The following NRXN3 variants were observed in gnomAD, a reference collection of about 807,000 sequenced individuals.
The protein encoded by NRXN3 is neurexin III.
In NRXN3, 32 loss-of-function variants were observed where a neutral mutation model predicts 137.6. The ratio of observed to expected loss-of-function variants is 0.23; its 90% CI spans 0.18 to 0.31. The LOEUF (loss-of-function observed/expected upper bound fraction) is 0.31. NRXN3 is among the 10% of genes least tolerant of loss of function. NRXN3 has a pLI of 1.00. For missense variants in NRXN3, 1,574 were observed against 2,062.5 expected, an observed-to-expected ratio of 0.76 and a Z score of 4.59; for synonymous variants, 798 against 784.5, an observed-to-expected ratio of 1.02 and a Z score of -0.29.
chr14:79,007,452 A>G (rs1433040765), intron 15 of NRXN3, among the ~76,000 whole-genome samples: 4 of 132,804 alleles, frequency 3.0e-5, no homozygotes, highest in African/African-American at 8.8e-5. Context: ...AAAAAAAGTC[A>G]TGAACTTTTT....
intron 15 of NRXN3, among the ~76,000 whole-genome samples, chr14:79,118,704 G>A (rs2054894338): frequency 6.6e-6 from 1 of 152,208 alleles, no homozygotes; most frequent in African/African-American, 2.4e-5. Flanking sequence ...AGATACAAGT[G>A]TAAGAAGTTT....
chr14:78,543,985 A>G (rs2096615621), intron 4 of NRXN3, among the ~76,000 whole-genome samples: 1 of 152,212 alleles, frequency 6.6e-6, no homozygotes, highest in African/African-American at 2.4e-5. Context: ...TCTGCCTGAA[A>G]GATGGAATAA....
intron 8 of NRXN3, among the ~76,000 whole-genome samples, chr14:78,799,573 G>A (rs911824756): frequency 6.6e-6 from 1 of 152,030 alleles, no homozygotes; most frequent in Non-Finnish European, 1.5e-5. Context: ...ACATTTTCAG[G>A]TATCTTTACA....
At chr14:78,332,244 C>A (rs2080905798) in intron 4 of NRXN3, among the ~76,000 whole-genome samples, 1 of 152,002 alleles carries the variant, frequency 6.6e-6, no homozygotes, top group Admixed American at 6.6e-5. Context: ...CCCTTCAATT[C>A]TTTTCTTCCT....
At chr14:78,250,629 C>A (rs1393218075) in intron 2 of NRXN3, among the ~76,000 whole-genome samples, 1 of 152,166 alleles carries the variant, frequency 6.6e-6, no homozygotes, top group Non-Finnish European at 1.5e-5. Context: ...AGCAGCCACC[C>A]AGTGAGGCAG....
intron 4 of NRXN3, among the ~76,000 whole-genome samples, chr14:78,320,485 G>T (rs74888861): frequency 0.064 from 9,683 of 152,126 alleles, 813 homozygotes; most frequent in East Asian, 0.32. Context: ...TCGGCTTTGA[G>T]GAAATTGACT....
At chr14:79,157,055 G>T (rs962383832) in intron 15 of NRXN3, among the ~76,000 whole-genome samples, 1 of 151,694 alleles carries the variant, frequency 6.6e-6, no homozygotes, top group Non-Finnish European at 1.5e-5. Flanking sequence ...ATACTTTTCT[G>T]CTTATTTTGG....
chr14:79,083,963 G>A (rs1321173580), intron 15 of NRXN3, among the ~76,000 whole-genome samples: 2 of 152,140 alleles, frequency 1.3e-5, no homozygotes, highest in African/African-American at 4.8e-5. Context: ...GGAGTGCAGT[G>A]GCAGGATCAC....
intron 4 of NRXN3, among the ~76,000 whole-genome samples, chr14:78,412,690 G>A (rs974039462): frequency 2.6e-5 from 4 of 152,190 alleles, no homozygotes; most frequent in South Asian, 2.1e-4. Flanking sequence ...CAGAGCTTGA[G>A]CTCTTAACCG....
At chr14:79,050,025 T>C (rs1297851758) in intron 15 of NRXN3, among the ~76,000 whole-genome samples, 1 of 152,196 alleles carries the variant, frequency 6.6e-6, no homozygotes, top group African/African-American at 2.4e-5. Flanking sequence ...AGGAATATCA[T>C]AACAGTAAAC....
At chr14:79,315,101 C>T (rs1185659247) in intron 15 of NRXN3, among the ~76,000 whole-genome samples, 1 of 152,164 alleles carries the variant, frequency 6.6e-6, no homozygotes, top group Non-Finnish European at 1.5e-5. Flanking sequence ...TATCTAATTT[C>T]CCTCATTGTA....
chr14:78,492,430 G>A (rs2095686476), intron 4 of NRXN3, among the ~76,000 whole-genome samples: 1 of 152,156 alleles, frequency 6.6e-6, no homozygotes. Flanking sequence ...ATAAGATCGT[G>A]CATATAAAGT....
chr14:78,600,898 C>G (rs2097196568), intron 4 of NRXN3, among the ~76,000 whole-genome samples: 1 of 152,140 alleles, frequency 6.6e-6, no homozygotes, highest in South Asian at 2.1e-4. Flanking sequence ...TGGTATTAAC[C>G]TAGACCTTTT....
At chr14:78,499,716 C>T (rs1317448534) in intron 4 of NRXN3, among the ~76,000 whole-genome samples, 1 of 152,122 alleles carries the variant, frequency 6.6e-6, no homozygotes, top group African/African-American at 2.4e-5. Context: ...AACCTGCCTC[C>T]AAGTTCACCT....
chr14:78,971,439 T>TAC (rs1233967449), intron 14 of NRXN3, among the ~76,000 whole-genome samples: 1 of 144,950 alleles, frequency 6.9e-6, no homozygotes, highest in Non-Finnish European at 1.5e-5. Flanking sequence ...TATATATATA[T>TAC]ATACACACAC....
At chr14:79,422,603 T>G (rs1001700568) in intron 15 of NRXN3, among the ~76,000 whole-genome samples, 2 of 151,898 alleles carry the variant, frequency 1.3e-5, no homozygotes, top group Non-Finnish European at 2.9e-5. Context: ...TTTAGAAAGG[T>G]CAAATTTGAA....
chr14:79,783,061 A>G (rs2099118805), intron 19 of NRXN3, among the ~76,000 whole-genome samples: 1 of 152,214 alleles, frequency 6.6e-6, no homozygotes, highest in Non-Finnish European at 1.5e-5. Flanking sequence ...AAGGGGTTAC[A>G]TTACCACTGC....
At chr14:79,213,627 G>C (rs187768619) in intron 15 of NRXN3, among the ~76,000 whole-genome samples, 2 of 150,292 alleles carry the variant, frequency 1.3e-5, no homozygotes, top group Non-Finnish European at 3.0e-5. Context: ...TTTTTTTTTG[G>C]GGGGGGGTGG....
rs77526789 is a variant in NRXN3, at chr14:78,826,436, G to A, written c.2275+16092G>A. On this transcript the variant is annotated intron_variant, in intron 10 of 20. Transcript: ENST00000335750. ...CCAAGGCTCCAAGTCCCTGGCTCAT[G>A]TTCCATTGTGCCATTGAACTTGAAA... Among the ~76,000 whole-genome samples, 71 of 152,218 alleles carry A rather than the reference G, an allele frequency of 4.7e-4. No homozygotes were observed. In the East Asian group the frequency reaches 0.012, roughly 26 times the overall value.
Sources: gnomAD v4.1 joint callset for allele counts (sites outside exome capture counted in the v4.1 genomes callset) on GRCh38, gnomAD v4.1.1 for gene constraint, MANE v1.5 for transcripts, NCBI Gene and HGNC (gene_info 2026-07-23, HGNC 2026-07-21) for gene names.